ADORA1: variants seen among roughly 807,000 people sequenced by gnomAD.
ADORA1 encodes the protein adenosine receptor A1.
Under a neutral mutation model 19.9 loss-of-function variants are expected in ADORA1, and 6 were observed. The observed-to-expected ratio is 0.30, with a 90% CI of 0.17 to 0.59. ADORA1 has a LOEUF of 0.59. Ranked by LOEUF, ADORA1 falls within the 20% of genes least tolerant of loss-of-function variation. The pLI is 0.87. For missense variants in ADORA1, 302 were observed against 439.2 expected, an observed-to-expected ratio of 0.69 and a Z score of 2.79; for synonymous variants, 194 against 188.4, an observed-to-expected ratio of 1.03 and a Z score of -0.24.
intron 3 of ADORA1, among the ~76,000 whole-genome samples, chr1:203,161,749 T>C (rs1345954930): frequency 6.6e-6 from 1 of 152,110 alleles, no homozygotes; most frequent in Non-Finnish European, 1.5e-5. Context: ...TTTTGTATTT[T>C]TTTTTAGTAG....
At chr1:203,152,176 GC>G (rs1453809240) in intron 3 of ADORA1, among the ~76,000 whole-genome samples, 1 of 152,248 alleles carries the variant, frequency 6.6e-6, no homozygotes, top group Non-Finnish European at 1.5e-5. Flanking sequence ...CCGAAGGCCA[GC>G]TCACTCCTGG....
Position 203,128,052 on chromosome 1 carries a change from CGGGACCAGA to C in ADORA1, c.-213+127_-213+135del. On this transcript the variant is annotated intron_variant, in intron 1 of 3. Coordinates refer to ENST00000337894, the MANE Select transcript of ADORA1 (RefSeq NM_000674.3). This position sits in a 1 kb window ranked among gnomAD's most constrained non-coding sequence, Gnocchi z 5.9. ...GCAAGGTTCCCCGACAGAGCTGGAA[CGGGACCAGA>C]GGACTGCTAAGATCCAGGCACCAGA... The C allele has an allele frequency of 4.0e-6, 1 of 249,084 alleles. No individual in the cohort carries two copies. Among genetic ancestry groups the C allele is most frequent in the Non-Finnish European group, 8.1e-6 (1 of 123,142 alleles). 15.4% of individuals were successfully genotyped at this position (249,084 alleles called of 1,614,324 possible). A position where few individuals can be genotyped will look rare whatever the true frequency, so the allele number is the denominator to read the frequency against.
intron 3 of ADORA1, among the ~76,000 whole-genome samples, chr1:203,151,750 A>T (rs1215575452): frequency 6.6e-6 from 1 of 151,930 alleles, no homozygotes; most frequent in South Asian, 2.1e-4. Flanking sequence ...CACAGTTTGA[A>T]CTCGGATCTT....
At chr1:203,156,200 TATAG>T (rs1039342431) in intron 3 of ADORA1, among the ~76,000 whole-genome samples, 7 of 151,974 alleles carry the variant, frequency 4.6e-5, no homozygotes, top group East Asian at 1.9e-4. Context: ...ATAATAAATG[TATAG>T]ATAGATAGAT....
At chr1:203,129,275 A>C (rs1370611780) in intron 3 of ADORA1, 93 bp downstream of exon 3, 4 of 1,508,706 alleles carry the variant, frequency 2.7e-6, no homozygotes, top group Non-Finnish European at 3.5e-6. Flanking sequence ...ATAAGACCCC[A>C]AGTAAGCCAG....
Position 203,128,577 on chromosome 1 carries a change from A to G in ADORA1, c.-58+145A>G, listed in dbSNP as rs1193243334. The G allele has an allele frequency of 1.6e-5, 14 of 887,676 alleles. No individual in the cohort carries two copies. The highest frequency in any genetic ancestry group is 2.0e-5 in the Non-Finnish European group (12 of 611,902). 55.0% of individuals were successfully genotyped at this position (887,676 alleles called of 1,614,324 possible). A position where few individuals can be genotyped will look rare whatever the true frequency, so the allele number is the denominator to read the frequency against. On this transcript the variant is annotated intron_variant, in intron 2 of 3. Coordinates refer to ENST00000337894, the MANE Select transcript of ADORA1 (RefSeq NM_000674.3). The surrounding 1 kb of genome is among the most constrained non-coding windows in gnomAD (Gnocchi z 5.9). ...AGCCAGTGGAGGAGTGAGCGCTGCT[A>G]TTTTAAGTTGCTGAATGGAACCTCT...
rs1486221251 is a variant in ADORA1 at position 203,133,263 on chromosome 1, G to A, written c.341+4081G>A. On this transcript the variant is annotated intron_variant, in intron 3 of 3. Transcript: ENST00000337894. ...TGAGTAGCTAGAATTACAGGTGCATGCCACCATGCCCAGCTCATTTTTTGT... is the reference window on the plus strand; with the variant it reads ...TGAGTAGCTAGAATTACAGGTGCATACCACCATGCCCAGCTCATTTTTTGT... 3.9e-5 allele frequency among the ~76,000 whole-genome samples: 6 copies of A among 152,112 alleles called. No homozygotes were observed. In the East Asian group the frequency reaches 1.2e-3, roughly 29 times the overall value.
Position 203,165,808 on chromosome 1 carries a change from G to A in ADORA1, c.889G>A (p.Val297Ile), listed in dbSNP as rs200032682. The A allele has an allele frequency of 2.0e-5, 32 of 1,612,480 alleles. No homozygotes were observed. Among genetic ancestry groups the A allele is most frequent in the East Asian group, 6.7e-5 (3 of 44,860 alleles). The change falls in exon 4 of 4, where the codon GTC becomes ATC. Residue 297 changes from valine (V) to isoleucine (I), a missense_variant. Val to Ile is a conservative substitution (Grantham distance 29). Coordinates refer to ENST00000337894, the MANE Select transcript of ADORA1 (RefSeq NM_000674.3). The surrounding 1 kb of genome is among the most constrained non-coding windows in gnomAD (Gnocchi z 5.9). ...TGCCTTCCGCATCCAGAAGTTCCGC[G>A]TCACCTTCCTTAAGATTTGGAATGA... ...VYAFRIQKFR[V>I]TFLKIWNDHF...
In ADORA1 at chr1:203,128,086, A is replaced by G. The variant is rs1654206600; in HGVS notation, c.-213+158A>G. ...AGGACTGCTAAGATCCAGGCACCAG[A>G]CGGGTCTCAAGTGGGTGGGCGCAGG... is the stretch of plus-strand genomic sequence containing the variant. On this transcript the variant is annotated intron_variant, in intron 1 of 3. Transcript: ENST00000337894. This position sits in a 1 kb window ranked among gnomAD's most constrained non-coding sequence, Gnocchi z 5.9. 3.2e-6 allele frequency: 1 copy of G among 309,440 alleles called. No homozygotes were observed. Among genetic ancestry groups the G allele is most frequent in the African/African-American group, 2.2e-5 (1 of 45,004 alleles). The allele number at this position is 309,440 out of a possible 1,614,324, so 19.2% of individuals were successfully genotyped here.
chr1:203,135,626 C>T (rs1654481019), intron 3 of ADORA1, among the ~76,000 whole-genome samples: 2 of 150,314 alleles, frequency 1.3e-5, no homozygotes, highest in Non-Finnish European at 2.9e-5. Flanking sequence ...CCACTGCACT[C>T]CAGCCTGGGC....
intron 3 of ADORA1, among the ~76,000 whole-genome samples, chr1:203,164,821 T>G (rs1558139689): frequency 6.6e-6 from 1 of 152,206 alleles, no homozygotes; most frequent in Non-Finnish European, 1.5e-5. Context: ...GGGCAGATCC[T>G]GTGATTACTT....
chr1:203,154,872 G>A (rs1036025432), intron 3 of ADORA1, among the ~76,000 whole-genome samples: 3 of 152,152 alleles, frequency 2.0e-5, no homozygotes, highest in Non-Finnish European at 2.9e-5. Flanking sequence ...ACCTTTCTCA[G>A]TTTGGCTGTT....
intron 3 of ADORA1, chr1:203,150,715 G>A (rs1411225699): frequency 1.6e-6 from 2 of 1,289,742 alleles, no homozygotes; most frequent in Admixed American, 2.3e-5. Context: ...TAATGTGGAA[G>A]CACAAGCTGT....
chr1:203,151,863 GC>G (rs1332323202), intron 3 of ADORA1, among the ~76,000 whole-genome samples: 2 of 151,610 alleles, frequency 1.3e-5, no homozygotes, highest in African/African-American at 4.9e-5. Context: ...ATTCCATCTT[GC>G]CCCCCATCTT....
chr1:203,134,324 C>T (rs1287112051), intron 3 of ADORA1, among the ~76,000 whole-genome samples: 1 of 152,202 alleles, frequency 6.6e-6, no homozygotes, highest in Non-Finnish European at 1.5e-5. Flanking sequence ...TGGGTGAAGT[C>T]AGCAGATCAG....
At position 203,128,503 on chromosome 1, in the gene ADORA1, G is replaced by A; in HGVS notation, c.-58+71G>A. 2 of 1,141,318 alleles carry A rather than the reference G, an allele frequency of 1.8e-6. No homozygotes were observed. Among genetic ancestry groups the A allele is most frequent in the South Asian group, 1.4e-5 (1 of 72,410 alleles). 70.7% of individuals were successfully genotyped at this position (1,141,318 alleles called of 1,614,324 possible). ...AGTCATGGGAGACCCCTCTGTGCGT[G>A]TGTCTGTGTGTGCGCGCGCGCTGGG... On this transcript the variant is annotated intron_variant, in intron 2 of 3. Coordinates refer to ENST00000337894, the MANE Select transcript of ADORA1 (RefSeq NM_000674.3). The surrounding 1 kb of genome is among the most constrained non-coding windows in gnomAD (Gnocchi z 5.9).
At chr1:203,150,806 C>T (rs2102754626) in intron 3 of ADORA1, 1 of 1,159,226 alleles carries the variant, frequency 8.6e-7, no homozygotes, top group Non-Finnish European at 1.1e-6. Flanking sequence ...TCTTCTCTGT[C>T]CTCCCCCTAT....
chr1:203,155,794 G>A lies in ADORA1; in HGVS notation c.342-9467G>A, dbSNP rs745642248. On this transcript the variant is annotated intron_variant, in intron 3 of 3. Coordinates refer to ENST00000337894, the MANE Select transcript of ADORA1 (RefSeq NM_000674.3). ...AGCGGCCTTATGTCGCAGGACCTAGGTAGGGGACCAGGAGTTGTCTGATTC... is the reference window on the plus strand; with the variant it reads ...AGCGGCCTTATGTCGCAGGACCTAGATAGGGGACCAGGAGTTGTCTGATTC... Among the ~76,000 whole-genome samples the A allele has an allele frequency of 3.3e-5, 5 of 152,334 alleles. No individual in the cohort carries two copies. The South Asian group carries it at 6.2e-4, about 19-fold the overall frequency.
rs200559951 is a variant in ADORA1 at position 203,165,306 on chromosome 1, C to A, written c.387C>A (p.Ala129=). The change falls in exon 4 of 4, where the codon GCC becomes GCA. Residue 129 remains alanine, a synonymous_variant. Transcript: ENST00000337894. The surrounding 1 kb of genome is among the most constrained non-coding windows in gnomAD (Gnocchi z 5.9). ...VTPRRAAVAI[A]GCWILSFVVG... ...CCCGGAGGGCGGCGGTGGCCATAGCCGGCTGCTGGATCCTCTCCTTCGTGG... is the reference window on the plus strand; with the variant it reads ...CCCGGAGGGCGGCGGTGGCCATAGCAGGCTGCTGGATCCTCTCCTTCGTGG... 6.4e-7 allele frequency: 1 copy of A among 1,568,562 alleles called. No homozygotes were observed. Among genetic ancestry groups the A allele is most frequent in the African/African-American group, 1.4e-5 (1 of 73,518 alleles).
Sources: allele counts gnomAD v4.1 joint callset (sites outside exome capture counted in the v4.1 genomes callset), GRCh38; gene constraint gnomAD v4.1.1; non-coding constraint Gnocchi (gnomAD v3.1); transcripts MANE v1.5; gene names NCBI Gene and HGNC (gene_info 2026-07-23, HGNC 2026-07-21).